Variants in PPHLN1 observed in about 807,000 individuals in gnomAD.
The protein encoded by PPHLN1 is periphilin 1, also known as periphilin-1.
A neutral mutation model predicts 51.3 loss-of-function variants in PPHLN1; 29 were observed. The ratio of observed to expected loss-of-function variants is 0.57; its 90% CI spans 0.42 to 0.77. The LOEUF is 0.77. PPHLN1 is among the 30% of genes least tolerant of loss of function. The probability of loss-of-function intolerance (pLI) is 0.00; values close to 1 mark genes in which losing one functional copy is unlikely to be tolerated. For missense variants in PPHLN1, 436 were observed against 438.4 expected (o/e 0.99, Z 0.05); for synonymous variants, 147 against 147.8 (o/e 0.99, Z 0.04).
intron 6 of PPHLN1, 122 bp downstream of exon 6, chr12:42,385,118 T>A: frequency 9.2e-7 from 1 of 1,085,510 alleles, no homozygotes; most frequent in Non-Finnish European, 1.4e-6. Flanking sequence ...GAACCACAGT[T>A]AGCAGTAGAC....
chr12:42,441,271 G>C (rs779022462), intron 9 of PPHLN1, 44 bp from the exon 10 acceptor site: 1 of 1,546,432 alleles, frequency 6.5e-7, no homozygotes, highest in South Asian at 1.3e-5. Context: ...TATTTGGCTA[G>C]TTATTTTCAT....
intron 4 of PPHLN1, among the ~76,000 whole-genome samples, chr12:42,362,044 T>C (rs1011171853): frequency 2.0e-5 from 3 of 152,248 alleles, no homozygotes; most frequent in South Asian, 2.1e-4. Flanking sequence ...ATGCTTGTTA[T>C]ATTCCATGTG....
chr12:42,332,996 A>C (rs1004751643), intron 1 of PPHLN1, among the ~76,000 whole-genome samples: 1 of 152,192 alleles, frequency 6.6e-6, no homozygotes, highest in Non-Finnish European at 1.5e-5. Context: ...TACATTATGC[A>C]GTAAAATATT....
At chr12:42,434,169 A>G (rs2082282797) in intron 9 of PPHLN1, among the ~76,000 whole-genome samples, 1 of 152,156 alleles carries the variant, frequency 6.6e-6, no homozygotes, top group African/African-American at 2.4e-5. Context: ...TTCCTTAGCA[A>G]ACTAACATAG....
At chr12:42,426,700 A>C (rs1190509620) in intron 9 of PPHLN1, among the ~76,000 whole-genome samples, 2 of 152,324 alleles carry the variant, frequency 1.3e-5, no homozygotes, top group African/African-American at 4.8e-5. Context: ...ATCCTTAGAC[A>C]TGGAGACCTT....
intron 5 of PPHLN1, among the ~76,000 whole-genome samples, chr12:42,375,495 A>G (rs2076191158): frequency 6.6e-6 from 1 of 151,634 alleles, no homozygotes; most frequent in South Asian, 2.1e-4. Context: ...TGTTTTTAGT[A>G]GAGACGGGGT....
At chr12:42,344,045 A>G (rs1235379876) in intron 2 of PPHLN1, 4 of 291,934 alleles carry the variant, frequency 1.4e-5, no homozygotes, top group African/African-American at 6.9e-5. Context: ...TGTGGTTTGT[A>G]TGGTACTTTT....
intron 7 of PPHLN1, among the ~76,000 whole-genome samples, chr12:42,392,461 A>G (rs1221685815): frequency 6.6e-6 from 1 of 152,182 alleles, no homozygotes. Flanking sequence ...GTATATTTGG[A>G]ATCAGTGATG....
intron 9 of PPHLN1, chr12:42,431,749 G>A (rs1321144666): frequency 1.1e-5 from 11 of 1,038,360 alleles, no homozygotes; most frequent in Admixed American, 5.1e-5. Context: ...GGAGTATGCT[G>A]TAGCTTAGAA....
Position 42,398,891 on chromosome 12 carries a change from A to G in PPHLN1, c.806A>G (p.Glu269Gly). The change falls in exon 9 of 10, where the codon GAG becomes GGG. Residue 269 changes from glutamate to glycine, a missense_variant. Physicochemically the swap from Glu to Gly is moderately conservative, Grantham distance 98. Transcript: ENST00000358314. ...STAPLFTDQP[E>G]EPESNTTHGI... ...GCACCATTGTTTACTGACCAGCCAGAGGAACCTGAGTCAAACACAACACAT... is the reference window on the plus strand; with the variant it reads ...GCACCATTGTTTACTGACCAGCCAGGGGAACCTGAGTCAAACACAACACAT... 1 of 1,614,104 alleles carries G rather than the reference A, an allele frequency of 6.2e-7. No homozygotes were observed. The highest frequency in any genetic ancestry group is 8.5e-7 in the Non-Finnish European group (1 of 1,179,966).
chr12:42,362,796 A>G (rs560618545), intron 4 of PPHLN1, among the ~76,000 whole-genome samples: 1 of 152,304 alleles, frequency 6.6e-6, no homozygotes, highest in East Asian at 1.9e-4. Context: ...ACAGTCCTCC[A>G]TGGGTGTCTT....
chr12:42,366,083 A>G (rs2075238572), intron 4 of PPHLN1, among the ~76,000 whole-genome samples: 1 of 152,118 alleles, frequency 6.6e-6, no homozygotes, highest in African/African-American at 2.4e-5. Flanking sequence ...AGACTTTAAT[A>G]TACTGTTTCT....
In PPHLN1 at chr12:42,432,963, A is replaced by G. The variant is rs1248195122; in HGVS notation, c.910-8352A>G. Reference sequence around the variant, plus strand: ...GTTTCTGGATGGTAAAAAATTCTGCATGCTCCTACTGCTTTCTTAAAATCT... The same window carrying G: ...GTTTCTGGATGGTAAAAAATTCTGCGTGCTCCTACTGCTTTCTTAAAATCT... On this transcript the variant is annotated intron_variant, in intron 9 of 9. Transcript: ENST00000358314. 7.5e-6 allele frequency: 11 copies of G among 1,460,464 alleles called. No homozygotes were observed. The African/African-American group carries it at 1.4e-4, about 18-fold the overall frequency. The allele number at this position is 1,460,464 out of a possible 1,614,324, so 90.5% of individuals were successfully genotyped here.
At chr12:42,396,648 A>AAAAAAAAG (rs2078238824) in intron 8 of PPHLN1, among the ~76,000 whole-genome samples, 1 of 119,842 alleles carries the variant, frequency 8.3e-6, no homozygotes, top group Non-Finnish European at 1.7e-5. Flanking sequence ...AAAAAAAAAA[A>AAAAAAAAG]GCTGGGTGTG....
chr12:42,354,117 G>A (rs1021173723), intron 3 of PPHLN1, among the ~76,000 whole-genome samples: 7 of 152,254 alleles, frequency 4.6e-5, no homozygotes, highest in Middle Eastern at 3.4e-3. Context: ...ATTTATATAA[G>A]AATAGAGTGT....
At chr12:42,443,764 T>G (rs548433038), downstream of PPHLN1, 1 of 152,314 alleles carries the variant, frequency 6.6e-6, no homozygotes, top group South Asian at 2.1e-4. Context: ...TGGGGCCCCT[T>G]CAACAGGCTC....
Position 42,441,391 on chromosome 12 carries a change from C to A in PPHLN1, c.986C>A (p.Ser329Tyr). ...GAAAAAGATCCTTCATTAGAAAAGT[C>A]TATACAGTTTGCATTGAGGCAGAAT... ...LIEKDPSLEK[S>Y]IQFALRQNLH... is the part of the protein sequence containing the mutation. The change falls in exon 10 of 10, where the codon TCT (serine) becomes TAT (tyrosine). Residue 329 changes from serine (S) to tyrosine (Y), a missense_variant. Coordinates refer to ENST00000358314, the MANE Select transcript of PPHLN1 (RefSeq NM_201439.2). 1 of 1,614,050 alleles carries A rather than the reference C, an allele frequency of 6.2e-7. No homozygotes were observed. The highest frequency in any genetic ancestry group is 8.5e-7 in the Non-Finnish European group (1 of 1,180,000).
At chr12:42,355,093 TTG>T in intron 3 of PPHLN1, 66 bp from the exon 4 acceptor site, 1 of 1,412,268 alleles carries the variant, frequency 7.1e-7, no homozygotes, top group Non-Finnish European at 1.0e-6. Flanking sequence ...TCTGGTAGTA[TTG>T]TTAGATATGT....
intron 9 of PPHLN1, among the ~76,000 whole-genome samples, chr12:42,408,324 C>T (rs909363110): frequency 1.3e-5 from 2 of 150,938 alleles, no homozygotes; most frequent in Non-Finnish European, 2.9e-5. Flanking sequence ...ACCTGACCAA[C>T]GTGGCAAAAC....
Sources: gnomAD v4.1 joint callset for allele counts (sites outside exome capture counted in the v4.1 genomes callset) on GRCh38, gnomAD v4.1.1 for gene constraint, MANE v1.5 for transcripts, NCBI Gene and HGNC (gene_info 2026-07-23, HGNC 2026-07-21) for gene names.